Variants in PREX2 observed in about 807,000 individuals in gnomAD.
PREX2 encodes phosphatidylinositol-3,4,5-trisphosphate dependent Rac exchange factor 2.
A neutral mutation model predicts 203.2 loss-of-function variants in PREX2; 107 were observed. That is an observed-to-expected ratio of 0.53 (90% CI 0.45 to 0.62). The LOEUF (loss-of-function observed/expected upper bound fraction) is 0.62, where lower values mean the gene tolerates loss of function less well. Ranked by LOEUF, PREX2 falls within the 20% of genes least tolerant of loss-of-function variation. PREX2 has a pLI of 0.00. For synonymous variants in PREX2, 672 were observed against 663.6 expected (o/e 1.01, Z -0.19); for missense variants, 1,777 against 1,955.9 (o/e 0.91, Z 1.72).
chr8:67,984,769 T>C (rs1806367512), intron 1 of PREX2, among the ~76,000 whole-genome samples: 1 of 152,194 alleles, frequency 6.6e-6, no homozygotes, highest in African/African-American at 2.4e-5. Flanking sequence ...AAGCTGATCA[T>C]GCTGAATGCT....
At chr8:68,125,647 T>C (rs191343533) in intron 30 of PREX2, among the ~76,000 whole-genome samples, 3 of 152,244 alleles carry the variant, frequency 2.0e-5, no homozygotes, top group Admixed American at 2.0e-4. Context: ...ATCAGCTGAA[T>C]GAAGAGATTT....
chr8:68,093,390 CAAAAAAAAAA>C (rs56001927), intron 20 of PREX2, among the ~76,000 whole-genome samples: 2 of 81,500 alleles, frequency 2.5e-5, no homozygotes, highest in African/African-American at 9.0e-5. Flanking sequence ...AACTCCATCT[CAAAAAAAAAA>C]AAAAAAAAAA....
At chr8:68,103,678 T>C (rs367889291) in intron 23 of PREX2, 4 of 519,342 alleles carry the variant, frequency 7.7e-6, no homozygotes, top group Non-Finnish European at 1.5e-5. Context: ...CCAAAGTCTA[T>C]TGACTATCCT....
intron 25 of PREX2, chr8:68,114,169 G>C (rs1251563522): frequency 2.1e-5 from 6 of 286,290 alleles, no homozygotes; most frequent in East Asian, 2.0e-4. Flanking sequence ...GCCCTTTTGT[G>C]TGTTTTATAA....
intron 1 of PREX2, among the ~76,000 whole-genome samples, chr8:68,001,436 A>C (rs1374595236): frequency 6.6e-6 from 1 of 152,212 alleles, no homozygotes; most frequent in African/African-American, 2.4e-5. Flanking sequence ...TTAAAATGTC[A>C]AAAAATAACA....
At chr8:67,977,347 G>A (rs1032753582) in intron 1 of PREX2, among the ~76,000 whole-genome samples, 7 of 152,180 alleles carry the variant, frequency 4.6e-5, no homozygotes, top group African/African-American at 9.7e-5. Context: ...TCAGTTGATG[G>A]TAATTTGTTT....
chr8:68,153,065 C>T (rs1254545689), intron 34 of PREX2, among the ~76,000 whole-genome samples: 1 of 152,172 alleles, frequency 6.6e-6, no homozygotes, highest in Non-Finnish European at 1.5e-5. Flanking sequence ...CATTTAGAAT[C>T]ACAAAACATT....
chr8:68,080,079 C>T (rs1422842316), intron 15 of PREX2, among the ~76,000 whole-genome samples: 1 of 152,074 alleles, frequency 6.6e-6, no homozygotes, highest in African/African-American at 2.4e-5. Context: ...TTGAAAACAC[C>T]ATAAATTTCT....
At chr8:68,095,940 C>T (rs1046585876) in intron 21 of PREX2, among the ~76,000 whole-genome samples, 1 of 152,032 alleles carries the variant, frequency 6.6e-6, no homozygotes, top group Non-Finnish European at 1.5e-5. Context: ...TGGCGCCTAG[C>T]CTGTATTTCT....
chr8:67,990,947 C>G (rs1462018110), intron 1 of PREX2, among the ~76,000 whole-genome samples: 2 of 152,204 alleles, frequency 1.3e-5, no homozygotes, highest in Non-Finnish European at 2.9e-5. Context: ...CTACCTAGAT[C>G]ATGCTACTGG....
intron 35 of PREX2, among the ~76,000 whole-genome samples, chr8:68,158,003 A>G (rs1811575022): frequency 6.6e-6 from 1 of 151,670 alleles, no homozygotes; most frequent in African/African-American, 2.4e-5. Flanking sequence ...AAGTGAAAAG[A>G]AATGTGTTAT....
At position 67,969,954 on chromosome 8, in the gene PREX2, A is replaced by C. The variant is rs570247430; in HGVS notation, c.141+17419A>C. 3.7e-3 allele frequency among the ~76,000 whole-genome samples: 569 copies of C among 152,290 alleles called. 2 individuals carry two copies. The highest frequency in any genetic ancestry group is 4.5e-3 in the Non-Finnish European group (308 of 68,030). The stretch of plus-strand genomic sequence containing the variant: ...TCATCTGAGTCTCACTCCGGTCTGA[A>C]AATTTCTATAATTTCTAAAATTTCT... On this transcript the variant is annotated intron_variant, in intron 1 of 39. Coordinates refer to ENST00000288368, the MANE Select transcript of PREX2 (RefSeq NM_024870.4).
chr8:68,080,807 T>C lies in PREX2; in HGVS notation c.1847T>C (p.Ile616Thr). 6.4e-7 allele frequency: 1 copy of C among 1,553,756 alleles called. No homozygotes were observed. Among genetic ancestry groups the C allele is most frequent in the Non-Finnish European group, 8.8e-7 (1 of 1,130,430 alleles). The change falls in exon 17 of 40, where the codon ATA becomes ACA. Residue 616 changes from isoleucine (I) to threonine (T), a missense_variant. Transcript: ENST00000288368. ...GAAGACAAAAATAAAGTTCCAATAATAAAGTTGGTAGAAAAGGGATCTAAT... is the reference window on the plus strand; with the variant it reads ...GAAGACAAAAATAAAGTTCCAATAACAAAGTTGGTAGAAAAGGGATCTAAT... ...GLEDKNKVPIIKLVEKGSNAE... is the reference protein window; with the variant it reads ...GLEDKNKVPITKLVEKGSNAE...
At chr8:68,187,961 G>A (rs376207100) in intron 35 of PREX2, among the ~76,000 whole-genome samples, 126 of 152,166 alleles carry the variant, frequency 8.3e-4, no homozygotes, top group Non-Finnish European at 9.8e-4. Context: ...TGTACACTAG[G>A]TGGAAATCCA....
At chr8:68,204,494 G>A (rs1053587200) in intron 37 of PREX2, among the ~76,000 whole-genome samples, 1 of 151,838 alleles carries the variant, frequency 6.6e-6, no homozygotes, top group Admixed American at 6.6e-5. Flanking sequence ...CCTTCAATTC[G>A]ATTGCTTTTT....
In PREX2 at chr8:68,105,260, G is replaced by A. The variant is rs901175744; in HGVS notation, c.2716-2849G>A. On this transcript the variant is annotated intron_variant, in intron 23 of 39. Coordinates refer to ENST00000288368, the MANE Select transcript of PREX2 (RefSeq NM_024870.4). ...CTGTGACTATGGAGTTCCTCCTGCT[G>A]CCTCCTCCTCTCTTAGGAATATCCC... 5.8e-6 allele frequency: 8 copies of A among 1,367,672 alleles called. No homozygotes were observed. The African/African-American group carries it at 1.2e-4, about 20-fold the overall frequency. 84.7% of individuals were successfully genotyped at this position (1,367,672 alleles called of 1,614,324 possible).
chr8:68,103,410 A>G (rs762322205), intron 23 of PREX2, among the ~76,000 whole-genome samples: 1 of 152,232 alleles, frequency 6.6e-6, no homozygotes, highest in South Asian at 2.1e-4. Flanking sequence ...GCTATAGTCA[A>G]TAATTCACGA....
At chr8:67,975,965 C>G (rs1308576184) in intron 1 of PREX2, among the ~76,000 whole-genome samples, 1 of 151,524 alleles carries the variant, frequency 6.6e-6, no homozygotes, top group Non-Finnish European at 1.5e-5. Flanking sequence ...ATCCACCTAC[C>G]TTGGCCTCCC....
chr8:68,202,153 G>A (rs941291869), intron 37 of PREX2, among the ~76,000 whole-genome samples: 1 of 152,050 alleles, frequency 6.6e-6, no homozygotes, highest in South Asian at 2.1e-4. Flanking sequence ...ACCCACCTCG[G>A]CCTCCCAAAG....
Sources: allele counts gnomAD v4.1 joint callset (sites outside exome capture counted in the v4.1 genomes callset), GRCh38; gene constraint gnomAD v4.1.1; transcripts MANE v1.5; gene names NCBI Gene and HGNC (gene_info 2026-07-23, HGNC 2026-07-21).